Variants in HIVEP3 observed in about 807,000 individuals in gnomAD.
HIVEP3 encodes the protein transcription factor HIVEP3.
HIVEP3 carries 49 observed loss-of-function variants against 152.8 expected under a neutral mutation model. That is an observed-to-expected ratio of 0.32 (90% CI 0.26 to 0.41). HIVEP3 has a LOEUF of 0.41. Among genes scored for constraint, HIVEP3 ranks in the 10% least tolerant of loss-of-function variants. The probability of loss-of-function intolerance (pLI) is 1.00; values close to 1 mark genes in which losing one functional copy is unlikely to be tolerated. For synonymous variants in HIVEP3, 1,269 were observed against 1,289.0 expected (o/e 0.98, Z 0.33); for missense variants, 2,790 against 3,103.3 (o/e 0.90, Z 2.40).
At chr1:41,902,424 C>G (rs1644640495) in intron 1 of HIVEP3, among the ~76,000 whole-genome samples, 2 of 152,118 alleles carry the variant, frequency 1.3e-5, no homozygotes, top group African/African-American at 4.8e-5. Context: ...CAGGGAGGGT[C>G]CTGGAATGTA....
At chr1:41,826,505 C>T (rs1277254686) in intron 1 of HIVEP3, among the ~76,000 whole-genome samples, 1 of 152,190 alleles carries the variant, frequency 6.6e-6, no homozygotes, top group African/African-American at 2.4e-5. Flanking sequence ...CCTCTGCCTC[C>T]CAGGTTCAAG....
intron 1 of HIVEP3, among the ~76,000 whole-genome samples, chr1:41,954,820 A>G (rs1645130976): frequency 6.6e-6 from 1 of 152,222 alleles, no homozygotes; most frequent in African/African-American, 2.4e-5. Context: ...TAGGGGTAAT[A>G]ATAGTATCTA....
chr1:41,632,996 T>C (rs1414812678), intron 2 of HIVEP3, among the ~76,000 whole-genome samples: 3 of 151,930 alleles, frequency 2.0e-5, no homozygotes, highest in African/African-American at 4.8e-5. Context: ...GTGAGGGGTG[T>C]GGCTTGAGGA....
At chr1:41,840,223 C>G (rs948684173) in intron 1 of HIVEP3, among the ~76,000 whole-genome samples, 10 of 152,142 alleles carry the variant, frequency 6.6e-5, no homozygotes, top group Admixed American at 5.9e-4. Flanking sequence ...AAAATGTGAC[C>G]TTATTTGGAA....
chr1:41,904,301 C>T (rs554928867), intron 1 of HIVEP3, among the ~76,000 whole-genome samples: 1 of 152,240 alleles, frequency 6.6e-6, no homozygotes, highest in East Asian at 1.9e-4. Context: ...TTGGTGACCC[C>T]GGGCCAGTGA....
intron 1 of HIVEP3, among the ~76,000 whole-genome samples, chr1:41,990,007 C>T (rs1645350126): frequency 1.9e-5 from 1 of 51,896 alleles, no homozygotes; most frequent in Admixed American, 1.9e-4. Flanking sequence ...GATGCAGTTT[C>T]TCCTAGTCTC....
At chr1:41,568,646 G>C (rs1234350154) in intron 5 of HIVEP3, among the ~76,000 whole-genome samples, 1 of 152,256 alleles carries the variant, frequency 6.6e-6, no homozygotes, top group Admixed American at 6.5e-5. Flanking sequence ...TGGGAAAAAT[G>C]GGCAGATTCT....
At chr1:41,840,638 C>T (rs1643260341) in intron 1 of HIVEP3, among the ~76,000 whole-genome samples, 1 of 152,218 alleles carries the variant, frequency 6.6e-6, no homozygotes, top group Non-Finnish European at 1.5e-5. Context: ...ACCCTACATT[C>T]TCATCCAACT....
At chr1:41,820,922 C>T (rs1192399846) in intron 1 of HIVEP3, among the ~76,000 whole-genome samples, 3 of 152,172 alleles carry the variant, frequency 2.0e-5, no homozygotes, top group Non-Finnish European at 4.4e-5. Flanking sequence ...TCTACATAGG[C>T]AAGTTGCAAG....
chr1:41,818,139 C>T (rs1642466853), intron 1 of HIVEP3, among the ~76,000 whole-genome samples: 1 of 152,164 alleles, frequency 6.6e-6, no homozygotes, highest in African/African-American at 2.4e-5. Flanking sequence ...GGACAGGAAA[C>T]TCAATTTAAA....
intron 5 of HIVEP3, among the ~76,000 whole-genome samples, chr1:41,546,463 G>C (rs1643806806): frequency 6.6e-6 from 1 of 152,192 alleles, no homozygotes; most frequent in African/African-American, 2.4e-5. Context: ...CAGAGGACCT[G>C]GCATCATTCT....
chr1:41,782,638 A>C (rs1346703735), intron 1 of HIVEP3, among the ~76,000 whole-genome samples: 1 of 151,608 alleles, frequency 6.6e-6, no homozygotes, highest in Non-Finnish European at 1.5e-5. Context: ...AGGCTGAGGC[A>C]GGAGAATCAC....
intron 1 of HIVEP3, among the ~76,000 whole-genome samples, chr1:41,937,983 C>T (rs1019061721): frequency 1.3e-5 from 2 of 152,214 alleles, no homozygotes; most frequent in South Asian, 2.1e-4. Flanking sequence ...GTTAACACCA[C>T]TGTATGTGTC....
intron 1 of HIVEP3, among the ~76,000 whole-genome samples, chr1:41,770,710 G>T (rs145384533): frequency 6.6e-6 from 1 of 152,238 alleles, no homozygotes; most frequent in Non-Finnish European, 1.5e-5. Context: ...TGTTCCAAAA[G>T]TGTCAAGGTC....
intron 1 of HIVEP3, among the ~76,000 whole-genome samples, chr1:41,934,412 T>C (rs1163687659): frequency 6.6e-6 from 1 of 152,178 alleles, no homozygotes; most frequent in Non-Finnish European, 1.5e-5. Flanking sequence ...TTGGGCCTAC[T>C]GGGTACCCAG....
chr1:41,968,801 C>T (rs1645213262), intron 1 of HIVEP3, among the ~76,000 whole-genome samples: 1 of 152,096 alleles, frequency 6.6e-6, no homozygotes, highest in African/African-American at 2.4e-5. Flanking sequence ...ATCCTATATC[C>T]AGAAAACACC....
intron 2 of HIVEP3, among the ~76,000 whole-genome samples, chr1:41,630,386 A>G (rs1645176632): frequency 6.6e-6 from 1 of 152,178 alleles, no homozygotes; most frequent in Admixed American, 6.5e-5. Context: ...CACATAATAT[A>G]CCCAAACCTG....
At chr1:41,827,274 T>C (rs1642832243) in intron 1 of HIVEP3, among the ~76,000 whole-genome samples, 1 of 152,218 alleles carries the variant, frequency 6.6e-6, no homozygotes, top group African/African-American at 2.4e-5. Context: ...CTTATTGATA[T>C]CCTTCTGGCA....
chr1:41,946,797 G>A (rs190508609), intron 1 of HIVEP3, among the ~76,000 whole-genome samples: 11 of 152,160 alleles, frequency 7.2e-5, no homozygotes, highest in East Asian at 5.8e-4. Flanking sequence ...TCTTAGACCC[G>A]AGGCCCTACA....
Sources: gnomAD v4.1 joint callset for allele counts (sites outside exome capture counted in the v4.1 genomes callset) on GRCh38, gnomAD v4.1.1 for gene constraint, MANE v1.5 for transcripts, NCBI Gene and HGNC (gene_info 2026-07-23, HGNC 2026-07-21) for gene names.